The following DHX30 variants were observed in gnomAD, a reference collection of about 807,000 sequenced individuals.
DHX30 encodes DExH-box helicase 30, also known as ATP-dependent RNA helicase DHX30.
In DHX30, 4 loss-of-function variants were observed where a neutral mutation model predicts 116.9. That is an observed-to-expected ratio of 0.03 (90% CI 0.02 to 0.08). The LOEUF (loss-of-function observed/expected upper bound fraction) is 0.08, where lower values mean the gene tolerates loss of function less well. DHX30 is among the 10% of genes least tolerant of loss of function. The pLI, the probability that DHX30 is intolerant of heterozygous loss-of-function variation, is 1.00. For missense variants in DHX30, 871 were observed against 1,595.1 expected (o/e 0.55, Z 7.73); for synonymous variants, 697 against 651.7 (o/e 1.07, Z -1.06).
Position 47,815,596 on chromosome 3 carries a change from A to G in DHX30, c.29-2426A>G, listed in dbSNP as rs542642609. On this transcript the variant is annotated intron_variant, in intron 3 of 21. Coordinates refer to ENST00000445061, the MANE Select transcript of DHX30 (RefSeq NM_138615.3). ...GTAATTTAACAAAGCTGTTGGTAAG[A>G]ATGCCCATGTTCCTGGTAAGTTACT... is the stretch of plus-strand genomic sequence containing the variant. 9.9e-5 allele frequency among the ~76,000 whole-genome samples: 15 copies of G among 152,184 alleles called. No homozygotes were observed. The East Asian group carries it at 2.9e-3, about 29-fold the overall frequency.
chr3:47,839,150 GTTTAA>G (rs1467524915), intron 6 of DHX30, among the ~76,000 whole-genome samples: 5 of 151,820 alleles, frequency 3.3e-5, no homozygotes, highest in African/African-American at 9.7e-5. Flanking sequence ...CTTAGGCAAT[GTTTAA>G]TTTATATTTT....
In DHX30 at chr3:47,847,652, T is replaced by TTCACTGGGCATAGTGTTTA. The variant is rs1559722688; in HGVS notation, c.2110+119_2111-108dup. Reference sequence around the variant, plus strand: ...GGTTTCTGACCAAGCTGTGGCACTTTTCACTGGGCATAGTGTTTATCTGCG... The same window carrying TTCACTGGGCATAGTGTTTA: ...GGTTTCTGACCAAGCTGTGGCACTTTTCACTGGGCATAGTGTTTATCACTGGGCATAGTGTTTATCTGCG... On this transcript the variant is annotated intron_variant, in intron 13 of 21. Coordinates refer to ENST00000445061, the MANE Select transcript of DHX30 (RefSeq NM_138615.3). This position sits in a 1 kb window ranked among gnomAD's most constrained non-coding sequence, Gnocchi z 5.5. The TTCACTGGGCATAGTGTTTA allele has an allele frequency of 6.9e-7, 1 of 1,459,602 alleles. No individual in the cohort carries two copies. The highest frequency in any genetic ancestry group is 9.2e-7 in the Non-Finnish European group (1 of 1,088,308). The allele number at this position is 1,459,602 out of a possible 1,614,324, so 90.4% of individuals were successfully genotyped here.
chr3:47,807,144 T>G (rs1196998168), intron 2 of DHX30, among the ~76,000 whole-genome samples: 1 of 151,658 alleles, frequency 6.6e-6, no homozygotes, highest in Non-Finnish European at 1.5e-5. Flanking sequence ...AGGTGGAGGT[T>G]GTAGTGAGCA....
rs2037580743 is a variant in DHX30 at position 47,845,844 on chromosome 3, C to G, written c.1084C>G (p.Leu362Val). 6.3e-7 allele frequency: 1 copy of G among 1,599,778 alleles called. No homozygotes were observed. The highest frequency in any genetic ancestry group is 2.3e-5 in the East Asian group (1 of 44,442). ...EPILRKIETF[L>V]NHYPVESSWI... ...CATCCTCCGCAAGATAGAGACCTTC[C>G]TGAACCATGTAAGAGGCCCTGCATC... is the stretch of plus-strand genomic sequence containing the variant. Residue 362 changes from leucine to valine, a missense_variant, in exon 10 of 22, where the codon CTG (leucine) becomes GTG (valine). Leu to Val is a conservative substitution (Grantham distance 32). Transcript: ENST00000445061.
intron 6 of DHX30, among the ~76,000 whole-genome samples, chr3:47,833,866 G>GA (rs1257723295): frequency 6.6e-6 from 1 of 151,168 alleles, no homozygotes; most frequent in African/African-American, 2.4e-5. Context: ...CTCCAAAAAA[G>GA]AAAAAAAATG....
Position 47,847,732 on chromosome 3 carries a change from A to C in DHX30, c.2111-49A>C. 1 of 1,587,042 alleles carries C rather than the reference A, an allele frequency of 6.3e-7. No individual in the cohort carries two copies. The highest frequency in any genetic ancestry group is 8.6e-7 in the Non-Finnish European group (1 of 1,162,636). On this transcript the variant is annotated intron_variant, in intron 13 of 21. Coordinates refer to ENST00000445061, the MANE Select transcript of DHX30 (RefSeq NM_138615.3). The surrounding 1 kb of genome is among the most constrained non-coding windows in gnomAD (Gnocchi z 5.5). The stretch of plus-strand genomic sequence containing the variant: ...TTGCCCTGCCCACATTCCAGGGGGG[A>C]ATTCTGGTGGAAGCAGTGCCCATAA...
intron 1 of DHX30, among the ~76,000 whole-genome samples, 187 bp from the exon 2 acceptor site, chr3:47,805,139 C>T (rs2035459573): frequency 6.6e-6 from 1 of 152,170 alleles, no homozygotes; most frequent in Non-Finnish European, 1.5e-5. Context: ...TGGTGTAGGA[C>T]AGCTTACAAT....
In DHX30 at chr3:47,805,373, T is replaced by G. The variant is rs1277010801; in HGVS notation, c.-75T>G. 1 of 398,960 alleles carries G rather than the reference T, an allele frequency of 2.5e-6. No homozygotes were observed. The highest frequency in any genetic ancestry group is 2.1e-5 in the African/African-American group (1 of 48,634). The allele number at this position is 398,960 out of a possible 1,614,324, so 24.7% of individuals were successfully genotyped here. ...AGGAATAGCAAGGAGAGAATTCAGC[T>G]CCAGTTCAAAAGCCTACAAAATCTG... On this transcript the variant is annotated 5_prime_UTR_variant, in exon 2 of 22. Transcript: ENST00000445061.
Position 47,850,129 on chromosome 3 carries a change from T to G in DHX30, c.*9T>G, listed in dbSNP as rs752697823. On this transcript the variant is annotated 3_prime_UTR_variant, in exon 22 of 22. Coordinates refer to ENST00000445061, the MANE Select transcript of DHX30 (RefSeq NM_138615.3). ...AGACAGCTGACGACTGAGCCCTGCT[T>G]CTGCTGGGGCTGTGTACAGAGTGCA... 6.3e-7 allele frequency: 1 copy of G among 1,580,370 alleles called. No individual in the cohort carries two copies. Among genetic ancestry groups the G allele is most frequent in the Non-Finnish European group, 8.6e-7 (1 of 1,166,210 alleles).
rs555249138 is a variant in DHX30 at position 47,849,699 on chromosome 3, C to T, written c.3261C>T (p.Phe1087=). 30 of 1,614,178 alleles carry T rather than the reference C, an allele frequency of 1.9e-5. No homozygotes were observed. Among genetic ancestry groups the T allele is most frequent in the East Asian group, 4.5e-5 (2 of 44,894 alleles). ...FMAVKSNGSV[F]VRDSSQVHPL... Reference sequence around the variant, plus strand: ...CAGTCAAGTCCAATGGCAGCGTCTTCGTCCGGGACTCCTCTCAGGTGCACC... The same window carrying T: ...CAGTCAAGTCCAATGGCAGCGTCTTTGTCCGGGACTCCTCTCAGGTGCACC... The change falls in exon 21 of 22, where the codon TTC becomes TTT. Residue 1087 remains phenylalanine, a synonymous_variant. Coordinates refer to ENST00000445061, the MANE Select transcript of DHX30 (RefSeq NM_138615.3).
intron 6 of DHX30, among the ~76,000 whole-genome samples, chr3:47,838,885 G>T (rs1411845928): frequency 6.6e-6 from 1 of 152,074 alleles, no homozygotes; most frequent in Non-Finnish European, 1.5e-5. Context: ...TTGTTTGTTT[G>T]TTTTTGGAGA....
At chr3:47,838,395 G>A (rs1476689941) in intron 6 of DHX30, among the ~76,000 whole-genome samples, 1 of 152,178 alleles carries the variant, frequency 6.6e-6, no homozygotes, top group Non-Finnish European at 1.5e-5. Context: ...TATCATCCAG[G>A]AACATATATC....
intron 6 of DHX30, among the ~76,000 whole-genome samples, chr3:47,833,459 G>A (rs1394221361): frequency 1.4e-5 from 2 of 147,902 alleles, no homozygotes; most frequent in Non-Finnish European, 3.0e-5. Context: ...TTGAACCTGG[G>A]AGGCAGAGGT....
intron 2 of DHX30, among the ~76,000 whole-genome samples, chr3:47,809,995 T>C (rs1254636936): frequency 5.9e-5 from 9 of 152,204 alleles, no homozygotes; most frequent in Admixed American, 3.3e-4. Context: ...CTCAGTTAAA[T>C]ATACTAATAA....
intron 2 of DHX30, among the ~76,000 whole-genome samples, chr3:47,806,247 G>A (rs1220994329): frequency 1.3e-5 from 2 of 150,934 alleles, no homozygotes; most frequent in African/African-American, 4.9e-5. Flanking sequence ...GGGTTCAAGC[G>A]ATTCTCCTGC....
chr3:47,836,459 G>T (rs1380869671), intron 6 of DHX30, among the ~76,000 whole-genome samples: 1 of 151,828 alleles, frequency 6.6e-6, no homozygotes, highest in Non-Finnish European at 1.5e-5. Flanking sequence ...TCTGAAGCAG[G>T]TCATTATCAC....
chr3:47,818,738 G>A (rs2036164858), intron 4 of DHX30, among the ~76,000 whole-genome samples: 1 of 152,140 alleles, frequency 6.6e-6, no homozygotes, highest in African/African-American at 2.4e-5. Context: ...ACCCAGGGAA[G>A]CATCGCTGCA....
chr3:47,805,948 A>G (rs1002341314), intron 2 of DHX30, among the ~76,000 whole-genome samples: 2 of 152,092 alleles, frequency 1.3e-5, no homozygotes, highest in African/African-American at 4.8e-5. Flanking sequence ...TCTTGATATA[A>G]TAGCATTTTA....
chr3:47,839,482 C>T (rs1282405492), intron 6 of DHX30, among the ~76,000 whole-genome samples: 6 of 151,544 alleles, frequency 4.0e-5, no homozygotes, highest in African/African-American at 1.2e-4. Context: ...TTAGTAGAGA[C>T]GGGGTTTCTC....
Sources: gnomAD v4.1 joint callset for allele counts (sites outside exome capture counted in the v4.1 genomes callset) on GRCh38, gnomAD v4.1.1 for gene constraint, Gnocchi (gnomAD v3.1) non-coding constraint, MANE v1.5 for transcripts, NCBI Gene and HGNC (gene_info 2026-07-23, HGNC 2026-07-21) for gene names.